Variants in BCL2L13 observed in about 807,000 individuals in gnomAD.
The protein encoded by BCL2L13 is bcl-2-like protein 13.
Under a neutral mutation model 25.8 loss-of-function variants are expected in BCL2L13, and 13 were observed. That is an observed-to-expected ratio of 0.50 (90% CI 0.33 to 0.80). The LOEUF (loss-of-function observed/expected upper bound fraction) is 0.80. Among genes scored for constraint, BCL2L13 ranks in the 30% least tolerant of loss-of-function variants. The pLI, the probability that BCL2L13 is intolerant of heterozygous loss-of-function variation, is 0.02. For synonymous variants in BCL2L13, 244 were observed against 230.3 expected (o/e 1.06, Z -0.54); for missense variants, 504 against 574.9 (o/e 0.88, Z 1.26).
chr22:17,641,380 T>C (rs971167197), intron 1 of BCL2L13, among the ~76,000 whole-genome samples: 2 of 150,302 alleles, frequency 1.3e-5, no homozygotes, highest in African/African-American at 4.9e-5. Context: ...TATTTTCAGA[T>C]TGGTTTATTT....
chr22:17,715,480 C>T (rs2060922071), intron 6 of BCL2L13, among the ~76,000 whole-genome samples: 1 of 151,158 alleles, frequency 6.6e-6, no homozygotes, highest in Non-Finnish European at 1.5e-5. Flanking sequence ...CTGCACCCAG[C>T]CTATATTAAT....
Position 17,689,068 on chromosome 22 carries a change from G to C in BCL2L13, c.312G>C (p.Leu104Phe). Residue 104 changes from leucine (L) to phenylalanine (F), a missense_variant, in exon 4 of 7, where the codon TTG (leucine) becomes TTC (phenylalanine). Transcript: ENST00000317582. ...CAGAAAGCTCAATGGAAGACTGCTT[G>C]GCCCATCTTGGAGAAAAAGTGTCCC... is the stretch of plus-strand genomic sequence containing the variant. ...ANPESSMEDC[L>F]AHLGEKVSQE... 4.3e-6 allele frequency: 7 copies of C among 1,614,116 alleles called. No individual in the cohort carries two copies. Among genetic ancestry groups the C allele is most frequent in the Non-Finnish European group, 5.9e-6 (7 of 1,180,016 alleles).
At chr22:17,716,846 G>A (rs1420698805) in intron 6 of BCL2L13, among the ~76,000 whole-genome samples, 4 of 152,172 alleles carry the variant, frequency 2.6e-5, no homozygotes. Context: ...TGTAAGAGGT[G>A]CCATATTGTG....
chr22:17,672,153 G>A (rs1318994748), intron 2 of BCL2L13, among the ~76,000 whole-genome samples: 1 of 152,228 alleles, frequency 6.6e-6, no homozygotes, highest in Non-Finnish European at 1.5e-5. Context: ...GGACTGCCTA[G>A]AGTGTTATCG....
intron 6 of BCL2L13, among the ~76,000 whole-genome samples, chr22:17,707,703 A>G (rs1335172531): frequency 6.6e-6 from 1 of 152,208 alleles, no homozygotes; most frequent in Non-Finnish European, 1.5e-5. Context: ...GTTGGCATAA[A>G]TCTTAAGGGA....
intron 6 of BCL2L13, among the ~76,000 whole-genome samples, chr22:17,721,524 A>ATTT (rs1361892035): frequency 4.7e-5 from 3 of 63,798 alleles, no homozygotes; most frequent in Admixed American, 1.9e-4. Context: ...ACTTATAAGA[A>ATTT]ATTTTTTTTT....
chr22:17,629,815 TCATACACACA>T (rs1707274755), intron 1 of BCL2L13, among the ~76,000 whole-genome samples: 1 of 115,268 alleles, frequency 8.7e-6, no homozygotes, highest in African/African-American at 4.4e-5. Flanking sequence ...CACTTTATTT[TCATACACACA>T]CACACACACA....
chr22:17,677,583 A>G (rs935973552), intron 2 of BCL2L13, among the ~76,000 whole-genome samples: 2 of 151,976 alleles, frequency 1.3e-5, no homozygotes, highest in African/African-American at 4.8e-5. Context: ...AAAAAGAAAA[A>G]CCCCACACAG....
rs1323711380 is a variant in BCL2L13 at position 17,656,960 on chromosome 22, A to C, written c.121+1128A>C. Among the ~76,000 whole-genome samples the C allele has an allele frequency of 7.9e-5, 12 of 152,158 alleles. No individual in the cohort carries two copies. The East Asian group carries it at 2.3e-3, about 29-fold the overall frequency. ...CAGCCTCTCAAGGAGCTGGGACTAT[A>C]GGCGCACGCTGCCACGCCCGGCTAG... On this transcript the variant is annotated intron_variant, in intron 2 of 6. Coordinates refer to ENST00000317582, the MANE Select transcript of BCL2L13 (RefSeq NM_015367.4).
At chr22:17,718,835 G>C (rs2587093) in intron 6 of BCL2L13, among the ~76,000 whole-genome samples, 21,185 of 152,094 alleles carry the variant, frequency 0.14, 2,030 homozygotes, top group Non-Finnish European at 0.21. Context: ...AATTATATCA[G>C]TATCTAATTT....
intron 2 of BCL2L13, among the ~76,000 whole-genome samples, chr22:17,672,021 G>A (rs1377858996): frequency 6.6e-6 from 1 of 152,110 alleles, no homozygotes; most frequent in East Asian, 1.9e-4. Flanking sequence ...GCCAACATCT[G>A]GTTTCTTAAT....
chr22:17,642,239 C>G (rs951122626), intron 1 of BCL2L13, among the ~76,000 whole-genome samples: 1 of 149,562 alleles, frequency 6.7e-6, no homozygotes, highest in Non-Finnish European at 1.5e-5. Context: ...AACTCAGTCC[C>G]AAAGTAGACT....
chr22:17,692,194 G>T (rs758368550), intron 4 of BCL2L13, among the ~76,000 whole-genome samples: 4 of 152,100 alleles, frequency 2.6e-5, no homozygotes, highest in African/African-American at 7.2e-5. Context: ...ATCCTGCCCC[G>T]CTCTTTTCTT....
chr22:17,662,315 G>A (rs2059096249), intron 2 of BCL2L13, among the ~76,000 whole-genome samples: 1 of 151,798 alleles, frequency 6.6e-6, no homozygotes, highest in South Asian at 2.1e-4. Context: ...CGTCTCTACT[G>A]AAAAAAACAA....
At chr22:17,696,329 C>A in intron 5 of BCL2L13, 119 bp downstream of exon 5, 2 of 860,500 alleles carry the variant, frequency 2.3e-6, no homozygotes, top group South Asian at 2.9e-5. Context: ...ATGCACAAAT[C>A]TATGTTAAGG....
At chr22:17,713,366 G>A (rs903022478) in intron 6 of BCL2L13, among the ~76,000 whole-genome samples, 1 of 151,696 alleles carries the variant, frequency 6.6e-6, no homozygotes, top group Non-Finnish European at 1.5e-5. Flanking sequence ...CCATGGTAAA[G>A]TACAGTTCTT....
chr22:17,704,492 T>G (rs2060531898), intron 6 of BCL2L13, among the ~76,000 whole-genome samples: 1 of 151,928 alleles, frequency 6.6e-6, no homozygotes, highest in Non-Finnish European at 1.5e-5. Flanking sequence ...ACTAAGATAT[T>G]AGGCCGGGTG....
intron 2 of BCL2L13, among the ~76,000 whole-genome samples, chr22:17,675,243 A>G (rs1292297228): frequency 1.3e-5 from 2 of 152,180 alleles, no homozygotes; most frequent in African/African-American, 2.4e-5. Context: ...GGACACAGAA[A>G]TGCAGTAGAA....
At chr22:17,653,078 A>G (rs944182306) in intron 1 of BCL2L13, among the ~76,000 whole-genome samples, 3 of 152,000 alleles carry the variant, frequency 2.0e-5, no homozygotes, top group African/African-American at 7.2e-5. Flanking sequence ...AAAAAGAGAA[A>G]AAACAGAGTG....
Sources: allele counts gnomAD v4.1 joint callset (sites outside exome capture counted in the v4.1 genomes callset), GRCh38; gene constraint gnomAD v4.1.1; transcripts MANE v1.5; gene names NCBI Gene and HGNC (gene_info 2026-07-23, HGNC 2026-07-21).